POFUT3: variants seen among roughly 807,000 people sequenced by gnomAD.
POFUT3 encodes protein O-fucosyltransferase 3, also known as GDP-fucose protein O-fucosyltransferase 3.
chr8:33,441,587 C>T, the POFUT3 span, among the ~76,000 whole-genome samples: 1,670 of 151,978 alleles, frequency 0.011, 36 homozygotes, highest in African/African-American at 0.038. Context: ...CCATATGCTG[C>T]CCAGGCTGGC....
chr8:33,346,471 T>G, the POFUT3 span, among the ~76,000 whole-genome samples: 1 of 152,236 alleles, frequency 6.6e-6, no homozygotes, highest in Admixed American at 6.5e-5. Context: ...TTTTATGTTG[T>G]CAGCAAAAGG....
chr8:33,445,238 C>A, the POFUT3 span, among the ~76,000 whole-genome samples: 1 of 151,982 alleles, frequency 6.6e-6, no homozygotes, highest in South Asian at 2.1e-4. Flanking sequence ...CTAGCCATGA[C>A]CTTCATTTTT....
the POFUT3 span, chr8:33,436,718 C>T: frequency 4.3e-6 from 3 of 694,520 alleles, no homozygotes; most frequent in Non-Finnish European, 7.5e-6. Flanking sequence ...ACAGCTAGCA[C>T]AGAAATCAGC....
chr8:33,335,203 T>A, the POFUT3 span, among the ~76,000 whole-genome samples: 1 of 149,910 alleles, frequency 6.7e-6, no homozygotes, highest in Non-Finnish European at 1.5e-5. Flanking sequence ...TACATTTTAC[T>A]GATATAAAAG....
At chr8:33,418,239 C>T in the POFUT3 span, among the ~76,000 whole-genome samples, 1 of 152,074 alleles carries the variant, frequency 6.6e-6, no homozygotes, top group Non-Finnish European at 1.5e-5. Context: ...CCCACTGGCC[C>T]CACAACCACC....
At chr8:33,361,089 T>C in the POFUT3 span, 1 of 152,208 alleles carries the variant, frequency 6.6e-6, no homozygotes, top group African/African-American at 2.4e-5. Context: ...ATATACATGA[T>C]GACTGAAAGC....
chr8:33,396,964 A>C, the POFUT3 span, among the ~76,000 whole-genome samples: 3 of 152,262 alleles, frequency 2.0e-5, no homozygotes, highest in African/African-American at 7.2e-5. Context: ...GGCCAAAAAA[A>C]TGTTAAAGCT....
At chr8:33,442,300 TG>T in the POFUT3 span, among the ~76,000 whole-genome samples, 175 of 124,688 alleles carry the variant, frequency 1.4e-3, no homozygotes, top group Non-Finnish European at 2.0e-3. Flanking sequence ...CTTTTTTTTT[TG>T]GGGGGGGACA....
the POFUT3 span, among the ~76,000 whole-genome samples, chr8:33,351,814 G>A: frequency 6.6e-6 from 1 of 152,148 alleles, no homozygotes; most frequent in South Asian, 2.1e-4. Flanking sequence ...AAAGGATAGA[G>A]GCTATAACTG....
At chr8:33,371,075 A>G in the POFUT3 span, 3 of 152,234 alleles carry the variant, frequency 2.0e-5, no homozygotes, top group South Asian at 6.2e-4. Flanking sequence ...TGAACAATGA[A>G]GAATGTTACA....
At chr8:33,410,735 G>T in the POFUT3 span, among the ~76,000 whole-genome samples, 3 of 152,068 alleles carry the variant, frequency 2.0e-5, no homozygotes, top group African/African-American at 7.2e-5. Context: ...ATTATTTCCC[G>T]GTTGGGAAAT....
the POFUT3 span, among the ~76,000 whole-genome samples, chr8:33,324,831 C>G: frequency 6.6e-6 from 1 of 151,970 alleles, no homozygotes; most frequent in Non-Finnish European, 1.5e-5. Flanking sequence ...AGCTCTTACC[C>G]TCATCCAGTC....
the POFUT3 span, among the ~76,000 whole-genome samples, chr8:33,444,910 T>C: frequency 1.3e-5 from 2 of 151,312 alleles, no homozygotes; most frequent in African/African-American, 4.9e-5. Flanking sequence ...ATATAAAATC[T>C]ATTGTTCAGT....
At chr8:33,429,723 T>C in the POFUT3 span, among the ~76,000 whole-genome samples, 1 of 151,536 alleles carries the variant, frequency 6.6e-6, no homozygotes. Flanking sequence ...GGGCCAGGCA[T>C]GGTGACTCAC....
At chr8:33,444,640 A>C in the POFUT3 span, among the ~76,000 whole-genome samples, 3 of 152,022 alleles carry the variant, frequency 2.0e-5, no homozygotes, top group African/African-American at 7.2e-5. Context: ...CAACATGGGG[A>C]AACACCGTCT....
chr8:33,343,685 A>T, the POFUT3 span, among the ~76,000 whole-genome samples: 1 of 152,238 alleles, frequency 6.6e-6, no homozygotes, highest in Admixed American at 6.5e-5. Flanking sequence ...TTCTGAAAGG[A>T]TTTTACTTGT....
chr8:33,363,997 T>A, the POFUT3 span, among the ~76,000 whole-genome samples: 1 of 152,300 alleles, frequency 6.6e-6, no homozygotes, highest in Middle Eastern at 3.4e-3. Context: ...ATATCCCTGA[T>A]GAACACTGAT....
At chr8:33,344,512 C>T in the POFUT3 span, among the ~76,000 whole-genome samples, 1 of 152,222 alleles carries the variant, frequency 6.6e-6, no homozygotes, top group Non-Finnish European at 1.5e-5. Context: ...TGAAAGCTCT[C>T]CATGGCCTTT....
chr8:33,430,937 C>T, the POFUT3 span, among the ~76,000 whole-genome samples: 2 of 152,026 alleles, frequency 1.3e-5, no homozygotes, highest in African/African-American at 2.4e-5. Flanking sequence ...AAACTAGGAA[C>T]ACCTGTATAC....
Sources: allele counts gnomAD v4.1 joint callset (sites outside exome capture counted in the v4.1 genomes callset), GRCh38; gene constraint gnomAD v4.1.1; transcripts MANE v1.5; gene names NCBI Gene and HGNC (gene_info 2026-07-23, HGNC 2026-07-21).